The following C1orf162 variants were observed in gnomAD, a reference collection of about 807,000 sequenced individuals.
C1orf162 encodes the protein chromosome 1 open reading frame 162, also known as transmembrane protein C1orf162.
A neutral mutation model predicts 11.4 loss-of-function variants in C1orf162; 10 were observed. The ratio of observed to expected loss-of-function variants is 0.88; its 90% CI spans 0.54 to 1.48. The LOEUF (loss-of-function observed/expected upper bound fraction) is 1.48, where lower values mean the gene tolerates loss of function less well. Among genes scored for constraint, C1orf162 ranks in the 40% most tolerant of loss-of-function variants. C1orf162 has a pLI of 0.00. For synonymous variants in C1orf162, 53 were observed against 55.0 expected (o/e 0.96, Z 0.16); for missense variants, 140 against 149.5 (o/e 0.94, Z 0.33).
chr1:111,475,192 A>G (rs914768888), intron 1 of C1orf162: 4 of 152,234 alleles, frequency 2.6e-5, no homozygotes, highest in Non-Finnish European at 4.4e-5. Context: ...TGTTATAAAA[A>G]GTTTTTAGTG....
Sources: allele counts gnomAD v4.1 joint callset, GRCh38; gene constraint gnomAD v4.1.1; transcripts MANE v1.5; gene names NCBI Gene and HGNC (gene_info 2026-07-23, HGNC 2026-07-21).